The following XKR9 variants were observed in gnomAD, a reference collection of about 807,000 sequenced individuals.
The protein encoded by XKR9 is XK-related protein 9.
A neutral mutation model predicts 32.0 loss-of-function variants in XKR9; 32 were observed. The observed-to-expected ratio is 1.00, with a 90% CI of 0.76 to 1.34. The LOEUF (loss-of-function observed/expected upper bound fraction) is 1.34. XKR9 is among the 40% of genes most tolerant of loss of function. The probability of loss-of-function intolerance (pLI) is 0.00; values close to 1 mark genes in which losing one functional copy is unlikely to be tolerated. For missense variants in XKR9, 546 were observed against 429.7 expected, an observed-to-expected ratio of 1.27 and a Z score of -2.39; for synonymous variants, 168 against 143.4, an observed-to-expected ratio of 1.17 and a Z score of -1.22.
the XKR9 span, among the ~76,000 whole-genome samples, chr8:70,987,083 C>T: frequency 6.6e-6 from 1 of 152,122 alleles, no homozygotes; most frequent in Non-Finnish European, 1.5e-5. Flanking sequence ...CAGTTATCTC[C>T]CACTGGGTCC....
At chr8:71,007,661 T>C in the XKR9 span, among the ~76,000 whole-genome samples, 1 of 152,138 alleles carries the variant, frequency 6.6e-6, no homozygotes, top group East Asian at 1.9e-4. Flanking sequence ...ATATACATTA[T>C]TAAAAAGGAT....
At chr8:70,974,439 G>C in the XKR9 span, among the ~76,000 whole-genome samples, 1 of 152,076 alleles carries the variant, frequency 6.6e-6, no homozygotes, top group Admixed American at 6.6e-5. Flanking sequence ...TCCCTGCCCT[G>C]TGTCCAAGTG....
At chr8:70,948,691 A>G in the XKR9 span, among the ~76,000 whole-genome samples, 3 of 152,200 alleles carry the variant, frequency 2.0e-5, no homozygotes, top group Non-Finnish European at 2.9e-5. Flanking sequence ...ATGCCTGCAC[A>G]CAAGCATTAT....
chr8:70,671,727 C>T (rs1818722223), intron 1 of XKR9, among the ~76,000 whole-genome samples: 1 of 101,576 alleles, frequency 9.8e-6, no homozygotes, highest in Non-Finnish European at 2.4e-5. Context: ...TTAATCCAAT[C>T]TATCATTGTT....
At chr8:70,858,201 G>A in the XKR9 span, among the ~76,000 whole-genome samples, 1 of 152,164 alleles carries the variant, frequency 6.6e-6, no homozygotes, top group Non-Finnish European at 1.5e-5. Flanking sequence ...TGACATGATT[G>A]TATATCTAGA....
Position 70,734,767 on chromosome 8 carries a change from TGCA to T in XKR9, c.*344_*346del. 6.1e-6 allele frequency: 1 copy of T among 164,500 alleles called. No homozygotes were observed. Among genetic ancestry groups the T allele is most frequent in the East Asian group, 1.8e-4 (1 of 5,564 alleles). 10.2% of individuals were successfully genotyped at this position (164,500 alleles called of 1,614,324 possible). A position where few individuals can be genotyped will look rare whatever the true frequency, so the allele number is the denominator to read the frequency against. On this transcript the variant is annotated 3_prime_UTR_variant, in exon 5 of 5. Coordinates refer to ENST00000408926, the MANE Select transcript of XKR9 (RefSeq NM_001011720.2). ...TACTACTGTACCTGTTATGGAGGACTGCAAAGGGAAGAGAAAAGCAGAACACTG... is the reference window on the plus strand; with the variant it reads ...TACTACTGTACCTGTTATGGAGGACTAAGGGAAGAGAAAAGCAGAACACTG...
At chr8:71,009,271 A>G in the XKR9 span, among the ~76,000 whole-genome samples, 1 of 152,218 alleles carries the variant, frequency 6.6e-6, no homozygotes, top group Non-Finnish European at 1.5e-5. Context: ...GCGGCCCAAC[A>G]GAAACTCATA....
chr8:70,896,919 T>C, the XKR9 span, among the ~76,000 whole-genome samples: 3 of 152,108 alleles, frequency 2.0e-5, no homozygotes, highest in African/African-American at 7.2e-5. Flanking sequence ...AAATGTACAA[T>C]TAAATTATTG....
chr8:70,884,189 A>T, the XKR9 span, among the ~76,000 whole-genome samples: 1 of 152,048 alleles, frequency 6.6e-6, no homozygotes, highest in South Asian at 2.1e-4. Context: ...ATCTTTGGTG[A>T]TGTGTTTTTT....
chr8:71,032,044 C>T, the XKR9 span, among the ~76,000 whole-genome samples: 387 of 152,240 alleles, frequency 2.5e-3, no homozygotes, highest in Middle Eastern at 0.01. Context: ...CCTGTAATCC[C>T]ACACTTTGGC....
chr8:70,758,423 G>C (rs761830835), intron 2 of XKR9, among the ~76,000 whole-genome samples: 1 of 152,200 alleles, frequency 6.6e-6, no homozygotes, highest in Non-Finnish European at 1.5e-5. Flanking sequence ...GGACAGAAAA[G>C]TTTCTGAGGT....
chr8:71,032,183 C>A, the XKR9 span, among the ~76,000 whole-genome samples: 1 of 147,408 alleles, frequency 6.8e-6, no homozygotes, highest in East Asian at 2.1e-4. Context: ...ACTCTGGAGG[C>A]TGAGGCAGGA....
chr8:70,918,986 C>T, the XKR9 span, among the ~76,000 whole-genome samples: 1 of 151,696 alleles, frequency 6.6e-6, no homozygotes, highest in South Asian at 2.1e-4. Context: ...ACTGTGTTTG[C>T]CAGGATGGTC....
chr8:70,783,906 A>G (rs564841810), intron 2 of XKR9, among the ~76,000 whole-genome samples: 1 of 152,276 alleles, frequency 6.6e-6, no homozygotes, highest in South Asian at 2.1e-4. Context: ...TAAGGGTTCA[A>G]TTTAGTCTGC....
At chr8:70,817,178 A>G in the XKR9 span, among the ~76,000 whole-genome samples, 44 of 152,250 alleles carry the variant, frequency 2.9e-4, no homozygotes, top group Non-Finnish European at 5.9e-4. Flanking sequence ...ATAGGAAAAG[A>G]AGTCAAATTA....
At chr8:70,858,499 G>GA in the XKR9 span, among the ~76,000 whole-genome samples, 233 of 151,486 alleles carry the variant, frequency 1.5e-3, 3 homozygotes, top group East Asian at 0.041. Context: ...CACAGAAATA[G>GA]AAAAAAAATC....
At chr8:70,679,275 G>T (rs1215521158) in intron 2 of XKR9, among the ~76,000 whole-genome samples, 2 of 152,120 alleles carry the variant, frequency 1.3e-5, no homozygotes, top group Non-Finnish European at 2.9e-5. Flanking sequence ...GCTTACAGAG[G>T]CCAGGCAAGC....
At chr8:70,740,597 T>C (rs1391514533), downstream of XKR9, among the ~76,000 whole-genome samples, 1 of 151,934 alleles carries the variant, frequency 6.6e-6, no homozygotes, top group African/African-American at 2.4e-5. Flanking sequence ...CTTTGTGGTT[T>C]TATCTACTTT....
the XKR9 span, among the ~76,000 whole-genome samples, chr8:71,007,229 T>C: frequency 6.6e-6 from 1 of 152,226 alleles, no homozygotes; most frequent in Non-Finnish European, 1.5e-5. Context: ...GGTAAAATTA[T>C]CATAATCCTG....
Sources: gnomAD v4.1 joint callset for allele counts (sites outside exome capture counted in the v4.1 genomes callset) on GRCh38, gnomAD v4.1.1 for gene constraint, MANE v1.5 for transcripts, NCBI Gene and HGNC (gene_info 2026-07-23, HGNC 2026-07-21) for gene names.